Variants in ST7 observed in about 807,000 individuals in gnomAD.
ST7 encodes the protein suppressor of tumorigenicity 7 protein.
In ST7, 28 loss-of-function variants were observed where a neutral mutation model predicts 78.7. The ratio of observed to expected loss-of-function variants is 0.36; its 90% CI spans 0.26 to 0.49. The LOEUF (loss-of-function observed/expected upper bound fraction) is 0.49. Among genes scored for constraint, ST7 ranks in the 20% least tolerant of loss-of-function variants. The probability of loss-of-function intolerance (pLI) is 0.99; values close to 1 mark genes in which losing one functional copy is unlikely to be tolerated. For missense variants in ST7, 418 were observed against 696.0 expected, an observed-to-expected ratio of 0.60 and a Z score of 4.49; for synonymous variants, 247 against 249.6, an observed-to-expected ratio of 0.99 and a Z score of 0.10.
intron 1 of ST7, among the ~76,000 whole-genome samples, chr7:117,065,272 G>A (rs1194034734): frequency 5.0e-5 from 7 of 140,184 alleles, no homozygotes; most frequent in African/African-American, 1.3e-4. Context: ...GCAGTGGCAC[G>A]ATCTCCGCTC....
At chr7:117,165,079 T>TTCCC (rs1168180253) in intron 9 of ST7, among the ~76,000 whole-genome samples, 3 of 152,180 alleles carry the variant, frequency 2.0e-5, no homozygotes, top group African/African-American at 7.2e-5. Flanking sequence ...CTAGTAACTA[T>TTCCC]AGAAAGGATT....
intron 6 of ST7, 61 bp downstream of exon 6, chr7:117,132,021 GTTGC>G: frequency 6.9e-7 from 1 of 1,458,682 alleles, no homozygotes; most frequent in Non-Finnish European, 9.6e-7. Context: ...AATATATTCA[GTTGC>G]CATTGATAGG....
At chr7:117,171,936 C>T (rs1333642962) in intron 10 of ST7, among the ~76,000 whole-genome samples, 4 of 147,748 alleles carry the variant, frequency 2.7e-5, no homozygotes, top group Non-Finnish European at 5.9e-5. Context: ...GCAAACTATA[C>T]CATTTGGGTC....
At chr7:117,145,699 A>G (rs1321136547) in intron 9 of ST7, 1 of 152,184 alleles carries the variant, frequency 6.6e-6, no homozygotes, top group Non-Finnish European at 1.5e-5. Flanking sequence ...GGTCACATTC[A>G]TAGGTACTGA....
intron 1 of ST7, among the ~76,000 whole-genome samples, chr7:117,082,468 T>C (rs1421557398): frequency 6.6e-6 from 1 of 152,214 alleles, no homozygotes; most frequent in Non-Finnish European, 1.5e-5. Flanking sequence ...GAAAAGAAGG[T>C]ATGCTAGGCT....
intron 13 of ST7, among the ~76,000 whole-genome samples, chr7:117,215,054 T>C (rs964250404): frequency 6.6e-6 from 1 of 151,858 alleles, no homozygotes; most frequent in African/African-American, 2.4e-5. Context: ...CAGTAGGAAC[T>C]GAGTATTAGA....
chr7:117,029,676 T>G (rs746577451), intron 1 of ST7, among the ~76,000 whole-genome samples: 2 of 152,160 alleles, frequency 1.3e-5, no homozygotes, highest in Non-Finnish European at 2.9e-5. Flanking sequence ...TCCAGATGTT[T>G]TATGTGTTTT....
At chr7:117,149,024 T>C (rs934546920) in intron 9 of ST7, among the ~76,000 whole-genome samples, 1 of 152,204 alleles carries the variant, frequency 6.6e-6, no homozygotes, top group Non-Finnish European at 1.5e-5. Flanking sequence ...GACAATGAAT[T>C]GGGTCTCCTG....
chr7:117,094,539 C>A (rs1800879186), intron 1 of ST7, among the ~76,000 whole-genome samples: 1 of 152,186 alleles, frequency 6.6e-6, no homozygotes, highest in Non-Finnish European at 1.5e-5. Flanking sequence ...TGGTCAGGGG[C>A]AGTGCTCTGT....
intron 1 of ST7, 63 bp downstream of exon 1, chr7:116,953,754 C>T: frequency 8.1e-7 from 1 of 1,232,490 alleles, no homozygotes; most frequent in Middle Eastern, 3.1e-4. Flanking sequence ...GTTAGTGCAA[C>T]TCGCGCGGGG....
intron 1 of ST7, among the ~76,000 whole-genome samples, chr7:117,027,446 G>GTAAAGT (rs1563021796): frequency 1.2e-4 from 18 of 151,504 alleles, no homozygotes; most frequent in Admixed American, 6.6e-4. Flanking sequence ...TCTCAAAAGT[G>GTAAAGT]AAAAGTAAAG....
At chr7:117,015,026 T>A (rs1424627378) in intron 1 of ST7, 5 of 1,238,726 alleles carry the variant, frequency 4.0e-6, no homozygotes, top group Non-Finnish European at 5.3e-6. Context: ...TAAAATTAAA[T>A]GTTAAATATT....
chr7:116,986,578 A>C (rs1475985529), intron 1 of ST7, among the ~76,000 whole-genome samples: 1 of 152,216 alleles, frequency 6.6e-6, no homozygotes, highest in Non-Finnish European at 1.5e-5. Flanking sequence ...TCACTGATAA[A>C]TACCATATTC....
At chr7:117,164,672 G>A (rs1422252057) in intron 9 of ST7, among the ~76,000 whole-genome samples, 3 of 152,186 alleles carry the variant, frequency 2.0e-5, no homozygotes, top group Non-Finnish European at 2.9e-5. Context: ...ATACAAAGAT[G>A]ATACAATAGC....
At chr7:117,211,111 A>G (rs1792253738) in intron 13 of ST7, among the ~76,000 whole-genome samples, 1 of 152,224 alleles carries the variant, frequency 6.6e-6, no homozygotes, top group African/African-American at 2.4e-5. Context: ...GGGATAGTGT[A>G]AAAATAAGCT....
chr7:117,048,850 C>G (rs1349249852), intron 1 of ST7, among the ~76,000 whole-genome samples: 1 of 152,022 alleles, frequency 6.6e-6, no homozygotes, highest in Non-Finnish European at 1.5e-5. Context: ...CAGTCCTTTC[C>G]ATAGAGTATT....
chr7:117,052,598 C>A (rs1252548289), intron 1 of ST7, among the ~76,000 whole-genome samples: 1 of 152,186 alleles, frequency 6.6e-6, no homozygotes, highest in Non-Finnish European at 1.5e-5. Flanking sequence ...CTCTTCCAGT[C>A]TCTAAAAAAT....
chr7:116,979,012 G>T (rs576491054), intron 1 of ST7, among the ~76,000 whole-genome samples: 1 of 152,326 alleles, frequency 6.6e-6, no homozygotes, highest in East Asian at 1.9e-4. Context: ...CCTGGAGTAA[G>T]CAGCAGAAGG....
At chr7:117,191,020 C>T (rs751335306) in intron 12 of ST7, 84 bp downstream of exon 12, 6 of 1,088,420 alleles carry the variant, frequency 5.5e-6, no homozygotes, top group African/African-American at 3.1e-5. Flanking sequence ...TCAAGTACAC[C>T]GCTTATAAAA....
Sources: gnomAD v4.1 joint callset for allele counts (sites outside exome capture counted in the v4.1 genomes callset) on GRCh38, gnomAD v4.1.1 for gene constraint, MANE v1.5 for transcripts, NCBI Gene and HGNC (gene_info 2026-07-23, HGNC 2026-07-21) for gene names.